PLCB4: variants seen among roughly 807,000 people sequenced by gnomAD.
PLCB4 encodes the protein 1-phosphatidylinositol 4,5-bisphosphate phosphodiesterase beta-4.
In PLCB4, 77 loss-of-function variants were observed where a neutral mutation model predicts 178.8. The observed-to-expected ratio is 0.43, with a 90% CI of 0.36 to 0.52. The LOEUF is 0.52. Among genes scored for constraint, PLCB4 ranks in the 20% least tolerant of loss-of-function variants. The pLI is 0.00. For synonymous variants in PLCB4, 496 were observed against 490.8 expected (o/e 1.01, Z -0.14); for missense variants, 1,024 against 1,453.4 (o/e 0.70, Z 4.80).
intron 2 of PLCB4, among the ~76,000 whole-genome samples, chr20:9,174,052 T>C (rs2093111428): frequency 6.6e-6 from 1 of 152,226 alleles, no homozygotes; most frequent in East Asian, 1.9e-4. Context: ...TTAAATGCTA[T>C]ATTAAATAAT....
At chr20:9,385,926 C>T (rs925285941) in intron 14 of PLCB4, among the ~76,000 whole-genome samples, 19 of 152,274 alleles carry the variant, frequency 1.2e-4, no homozygotes, top group African/African-American at 3.8e-4. Context: ...GAGGTTGTGG[C>T]GAGCCGAGAT....
chr20:9,094,909 A>G (rs1476742307), intron 1 of PLCB4, among the ~76,000 whole-genome samples: 1 of 152,182 alleles, frequency 6.6e-6, no homozygotes, highest in African/African-American at 2.4e-5. Flanking sequence ...CTGTAGTTTC[A>G]GAAAATAGAA....
chr20:9,202,417 A>G (rs2093558261), intron 2 of PLCB4, among the ~76,000 whole-genome samples: 1 of 152,240 alleles, frequency 6.6e-6, no homozygotes, highest in South Asian at 2.1e-4. Flanking sequence ...AAAACCAGTT[A>G]TACCTCTGAT....
At chr20:9,454,373 A>G (rs1043837315) in intron 33 of PLCB4, among the ~76,000 whole-genome samples, 9 of 152,196 alleles carry the variant, frequency 5.9e-5, no homozygotes, top group Non-Finnish European at 1.2e-4. Context: ...ACTTTGGGGA[A>G]AATTCCATGA....
intron 4 of PLCB4, among the ~76,000 whole-genome samples, chr20:9,311,492 C>CT (rs2147894856): frequency 6.6e-6 from 1 of 152,262 alleles, no homozygotes; most frequent in African/African-American, 2.4e-5. Context: ...GAGTGTCTCT[C>CT]TTTTTTCTTC....
intron 2 of PLCB4, among the ~76,000 whole-genome samples, chr20:9,128,364 C>T (rs973435754): frequency 1.3e-5 from 2 of 152,168 alleles, no homozygotes; most frequent in East Asian, 3.9e-4. Context: ...TACCCAACTT[C>T]AGGCATTTCT....
chr20:9,382,158 C>G (rs972304929), intron 13 of PLCB4, among the ~76,000 whole-genome samples: 14 of 152,332 alleles, frequency 9.2e-5, no homozygotes, highest in African/African-American at 3.1e-4. Flanking sequence ...TCATGTTGGA[C>G]TTGTTTCATT....
Position 9,272,045 on chromosome 20 carries a change from C to T in PLCB4, c.-15-35755C>T, listed in dbSNP as rs567954695. Among the ~76,000 whole-genome samples the T allele has an allele frequency of 2.6e-5, 4 of 151,596 alleles. No individual in the cohort carries two copies. The East Asian group carries it at 5.9e-4, about 22-fold the overall frequency. ...AAAAAAAATTGGCTGGGCGTGGTGG[C>T]ATGCACCTAATAGTCCCAGCTACTC... On this transcript the variant is annotated intron_variant, in intron 3 of 39. Coordinates refer to ENST00000378473, the MANE Select transcript of PLCB4 (RefSeq NM_001377142.1).
At chr20:9,406,051 T>A (rs572274777) in intron 21 of PLCB4, among the ~76,000 whole-genome samples, 1 of 152,362 alleles carries the variant, frequency 6.6e-6, no homozygotes, top group South Asian at 2.1e-4. Flanking sequence ...AAAATATTTG[T>A]GAGTACATTA....
chr20:9,292,173 G>A (rs938201102), intron 3 of PLCB4, among the ~76,000 whole-genome samples: 5 of 152,196 alleles, frequency 3.3e-5, no homozygotes, highest in South Asian at 2.1e-4. Context: ...CCATACTCAC[G>A]CCGGAGGCAA....
chr20:9,475,816 A>G (rs766285227), intron 38 of PLCB4, among the ~76,000 whole-genome samples: 3 of 152,194 alleles, frequency 2.0e-5, no homozygotes, highest in Non-Finnish European at 4.4e-5. Context: ...CAGTGACTTC[A>G]TTTCTTTCCT....
intron 2 of PLCB4, among the ~76,000 whole-genome samples, chr20:9,171,014 A>G (rs1201433447): frequency 6.6e-6 from 1 of 151,990 alleles, no homozygotes; most frequent in African/African-American, 2.4e-5. Context: ...GTACCATGAA[A>G]CTCCCATTTT....
intron 2 of PLCB4, among the ~76,000 whole-genome samples, chr20:9,209,325 A>T (rs1004031527): frequency 1.3e-5 from 2 of 151,986 alleles, no homozygotes; most frequent in Admixed American, 1.3e-4. Flanking sequence ...AGTTACATAG[A>T]TGACAAATGC....
intron 2 of PLCB4, among the ~76,000 whole-genome samples, chr20:9,134,958 A>G (rs771936935): frequency 2.6e-5 from 4 of 152,132 alleles, no homozygotes; most frequent in African/African-American, 7.2e-5. Context: ...GACTTTTGCC[A>G]TTGAGTAGGT....
intron 30 of PLCB4, among the ~76,000 whole-genome samples, chr20:9,439,958 A>T (rs937075229): frequency 6.6e-6 from 1 of 152,170 alleles, no homozygotes; most frequent in African/African-American, 2.4e-5. Context: ...TGGTTATGGG[A>T]GGATTAGTAT....
chr20:9,353,660 C>G (rs2034538383), intron 7 of PLCB4, among the ~76,000 whole-genome samples: 1 of 152,206 alleles, frequency 6.6e-6, no homozygotes, highest in Non-Finnish European at 1.5e-5. Context: ...ACCTCTGCCA[C>G]TGGGGTTTTA....
chr20:9,230,723 G>A (rs1209483115), intron 3 of PLCB4, among the ~76,000 whole-genome samples: 1 of 152,078 alleles, frequency 6.6e-6, no homozygotes, highest in African/African-American at 2.4e-5. Flanking sequence ...GGTGGTCTTA[G>A]CTGGCATGGC....
chr20:9,070,312 T>A (rs2089502843), intron 1 of PLCB4, among the ~76,000 whole-genome samples: 1 of 152,144 alleles, frequency 6.6e-6, no homozygotes, highest in Non-Finnish European at 1.5e-5. Context: ...ATTGTGTGTG[T>A]GTTGCGGGGG....
At chr20:9,251,166 G>A (rs970726309) in intron 3 of PLCB4, among the ~76,000 whole-genome samples, 4 of 152,158 alleles carry the variant, frequency 2.6e-5, no homozygotes, top group Non-Finnish European at 5.9e-5. Flanking sequence ...TTGTTAATGG[G>A]CAAAGGTTGG....
Sources: allele counts gnomAD v4.1 joint callset (sites outside exome capture counted in the v4.1 genomes callset), GRCh38; gene constraint gnomAD v4.1.1; transcripts MANE v1.5; gene names NCBI Gene and HGNC (gene_info 2026-07-23, HGNC 2026-07-21).